The following FAT4 variants were observed in gnomAD, a reference collection of about 807,000 sequenced individuals.
FAT4 encodes protocadherin Fat 4.
FAT4 carries 84 observed loss-of-function variants against 303.9 expected under a neutral mutation model. That is an observed-to-expected ratio of 0.28 (90% confidence interval 0.23 to 0.33). The LOEUF is 0.33. Ranked by LOEUF, FAT4 falls within the 10% of genes least tolerant of loss-of-function variation. FAT4 has a pLI of 1.00. For synonymous variants in FAT4, 2,307 were observed against 2,298.8 expected (o/e 1.00, Z -0.10); for missense variants, 6,005 against 6,146.8 (o/e 0.98, Z 0.77).
chr4:125,448,524 A>G lies in FAT4; in HGVS notation c.7514A>G (p.Tyr2505Cys), dbSNP rs1196153947. Residue 2505 changes from tyrosine (Y) to cysteine (C), a missense_variant, in exon 10 of 18, where the codon TAT becomes TGT. Transcript: ENST00000394329. ...ATTGGACCAAATTCTGAACTGCATT[A>G]TTCTCTTTCGGGTAGAAATTCTGAA... ...ADIGPNSELH[Y>C]SLSGRNSEKF... The G allele has an allele frequency of 6.2e-7, 1 of 1,613,892 alleles. No individual in the cohort carries two copies. The highest frequency in any genetic ancestry group is 1.3e-5 in the African/African-American group (1 of 75,032).
chr4:125,489,279 C>T (rs1045273495), intron 17 of FAT4, among the ~76,000 whole-genome samples: 8 of 152,176 alleles, frequency 5.3e-5, no homozygotes, highest in African/African-American at 1.9e-4. Flanking sequence ...TTATCTTTAT[C>T]ATTCCCCTAA....
chr4:125,434,279 C>G lies in FAT4; in HGVS notation c.7053C>G (p.Asn2351Lys), dbSNP rs199682494. The change falls in exon 8 of 18, where the codon AAC (asparagine) becomes AAG (lysine). Residue 2351 changes from asparagine to lysine, a missense_variant. Asn to Lys is a moderately conservative substitution (Grantham distance 94). Coordinates refer to ENST00000394329, the MANE Select transcript of FAT4 (RefSeq NM_001291303.3). The stretch of plus-strand genomic sequence containing the variant: ...CCTTGACTGGAACTGGAACAATCAA[C>G]GTCATAGTAGATGATGTCAATGACA... ...SPALTGTGTINVIVDDVNDNV... is the reference protein window; with the variant it reads ...SPALTGTGTIKVIVDDVNDNV... The G allele has an allele frequency of 2.5e-6, 4 of 1,613,876 alleles. No individual in the cohort carries two copies. Among genetic ancestry groups the G allele is most frequent in the Admixed American group, 1.7e-5 (1 of 59,996 alleles).
Position 125,317,065 on chromosome 4 carries a change from C to T in FAT4, c.654C>T (p.Leu218=). The T allele has an allele frequency of 1.2e-6, 2 of 1,614,010 alleles. No homozygotes were observed. The highest frequency in any genetic ancestry group is 1.7e-6 in the Non-Finnish European group (2 of 1,180,032). ...LDREVTPQYQ[L]LVEVEDKGEP... ...GTGAGGTCACTCCGCAGTACCAGCT[C>T]CTGGTTGAGGTGGAGGACAAGGGTG... The change falls in exon 2 of 18, where the codon CTC becomes CTT. Residue 218 remains leucine (L), a synonymous_variant. Coordinates refer to ENST00000394329, the MANE Select transcript of FAT4 (RefSeq NM_001291303.3). This position sits in a 1 kb window ranked among gnomAD's most constrained non-coding sequence, Gnocchi z 7.0.
chr4:125,459,207 T>C (rs1726397701), intron 10 of FAT4, among the ~76,000 whole-genome samples: 1 of 151,988 alleles, frequency 6.6e-6, no homozygotes, highest in African/African-American at 2.4e-5. Context: ...GTATCAAAAA[T>C]TATCGTATCT....
In FAT4 at chr4:125,317,675, G is replaced by T; in HGVS notation, c.1264G>T (p.Val422Leu). Residue 422 changes from valine to leucine, a missense_variant, in exon 2 of 18, where the codon GTG (valine) becomes TTG (leucine). Physicochemically the swap from Val to Leu is conservative, Grantham distance 32. Transcript: ENST00000394329. This position sits in a 1 kb window ranked among gnomAD's most constrained non-coding sequence, Gnocchi z 7.0. ...AGTGCCGAACCTGAGCCTAATCAAG[G>T]TGGCCAGCGCCTTGGACCGCGAGCG... is the stretch of plus-strand genomic sequence containing the variant. ...SKVPNLSLIKVASALDRERIP... is the reference protein window; with the variant it reads ...SKVPNLSLIKLASALDRERIP... 1 of 1,614,124 alleles carries T rather than the reference G, an allele frequency of 6.2e-7. No homozygotes were observed. The highest frequency in any genetic ancestry group is 8.5e-7 in the Non-Finnish European group (1 of 1,180,024).
Position 125,320,999 on chromosome 4 carries a change from A to G in FAT4, c.4588A>G (p.Ile1530Val), listed in dbSNP as rs753573104. The G allele has an allele frequency of 4.0e-5, 65 of 1,614,086 alleles. No individual in the cohort carries two copies. In the East Asian group the frequency reaches 1.2e-3, roughly 29 times the overall value. The change falls in exon 2 of 18, where the codon ATA (isoleucine) becomes GTA (valine). Residue 1530 changes from isoleucine (I) to valine (V), a missense_variant. Transcript: ENST00000394329. ...CCTCAATGACAATGTCCCAATGTTT[A>G]TATCACAAAACGCCCTTGCTGCAGA... ...TDLNDNVPMF[I>V]SQNALAADPS...
chr4:125,365,932 C>A (rs1052260062), intron 2 of FAT4, among the ~76,000 whole-genome samples: 1 of 152,154 alleles, frequency 6.6e-6, no homozygotes, highest in East Asian at 1.9e-4. Flanking sequence ...AGGAGGTGAG[C>A]GGCAGGCTAA....
chr4:125,475,080 G>T (rs1459164182), intron 12 of FAT4, among the ~76,000 whole-genome samples: 1 of 152,064 alleles, frequency 6.6e-6, no homozygotes, highest in Admixed American at 6.6e-5. Context: ...TTTATTGTCT[G>T]CATTGGGAGA....
Position 125,492,585 on chromosome 4 carries a change from T to C in FAT4, c.*817T>C, listed in dbSNP as rs1274577989. On this transcript the variant is annotated 3_prime_UTR_variant, in exon 18 of 18. Coordinates refer to ENST00000394329, the MANE Select transcript of FAT4 (RefSeq NM_001291303.3). ...CTTTTAATATTTTAAAGAATTGACC[T>C]AAGGAAAGCTTATGATTGGACTTAT... 6.6e-6 allele frequency: 1 copy of C among 152,548 alleles called. No individual in the cohort carries two copies. The highest frequency in any genetic ancestry group is 1.5e-5 in the Non-Finnish European group (1 of 68,022). The allele number at this position is 152,548 out of a possible 1,614,324, so 9.4% of individuals were successfully genotyped here.
intron 8 of FAT4, among the ~76,000 whole-genome samples, chr4:125,443,375 T>C (rs1428825693): frequency 2.0e-5 from 3 of 152,200 alleles, no homozygotes; most frequent in African/African-American, 7.2e-5. Context: ...ATGTTGGCCT[T>C]CGCAATTGGT....
At chr4:125,415,864 C>A in intron 6 of FAT4, 58 bp downstream of exon 6, 1 of 1,314,230 alleles carries the variant, frequency 7.6e-7, no homozygotes, top group Non-Finnish European at 1.1e-6. Flanking sequence ...TATTTGAAAA[C>A]CTCCCCTCTT....
At chr4:125,455,158 C>G (rs984233753) in intron 10 of FAT4, among the ~76,000 whole-genome samples, 3 of 152,116 alleles carry the variant, frequency 2.0e-5, no homozygotes, top group Non-Finnish European at 4.4e-5. Flanking sequence ...CTACATTAGT[C>G]TAATGCATTT....
At position 125,317,646 on chromosome 4, in the gene FAT4, G is replaced by A; in HGVS notation, c.1235G>A (p.Ser412Asn). 2 of 1,614,070 alleles carry A rather than the reference G, an allele frequency of 1.2e-6. No individual in the cohort carries two copies. Among genetic ancestry groups the A allele is most frequent in the Non-Finnish European group, 1.7e-6 (2 of 1,179,988 alleles). The change falls in exon 2 of 18, where the codon AGC (serine) becomes AAC (asparagine). Residue 412 changes from serine (S) to asparagine (N), a missense_variant. Transcript: ENST00000394329. The surrounding 1 kb of genome is among the most constrained non-coding windows in gnomAD (Gnocchi z 7.0). ...CAGCGCCACTTTGAAGTGCAAAGCA[G>A]CAAAGTGCCGAACCTGAGCCTAATC... ...NEQRHFEVQS[S>N]KVPNLSLIKV...
At position 125,315,261 on chromosome 4, in the gene FAT4, C is replaced by T. The variant is rs1354919536; in HGVS notation, c.-729C>T. On this transcript the variant is annotated 5_prime_UTR_variant, in exon 1 of 18. Transcript: ENST00000394329. The stretch of plus-strand genomic sequence containing the variant: ...GAGCTGCGGAGGGCGTCACTACAGC[C>T]CAGCGCCGACTTCGCCGCCTCCGCT... Among the ~76,000 whole-genome samples, 1 of 152,090 alleles carries T rather than the reference C, an allele frequency of 6.6e-6. No individual in the cohort carries two copies. Among genetic ancestry groups the T allele is most frequent in the African/African-American group, 2.4e-5 (1 of 41,430 alleles).
intron 5 of FAT4, among the ~76,000 whole-genome samples, chr4:125,414,650 T>C (rs1734967906): frequency 6.6e-6 from 1 of 152,156 alleles, no homozygotes; most frequent in South Asian, 2.1e-4. Context: ...AGGAAATATA[T>C]AGAAAAATAT....
Position 125,317,900 on chromosome 4 carries a change from A to G in FAT4, c.1489A>G (p.Ile497Val). 2.5e-6 allele frequency: 4 copies of G among 1,614,078 alleles called. No homozygotes were observed. Among genetic ancestry groups the G allele is most frequent in the Non-Finnish European group, 3.4e-6 (4 of 1,179,996 alleles). ...GCCTCCGGGAAGCTATGTGAGTGGG[A>G]TATCTGCCACTGATGGCGACTCTGG... ...EAPPGSYVSGISATDGDSGLN... is the reference protein window; with the variant it reads ...EAPPGSYVSGVSATDGDSGLN... Residue 497 changes from isoleucine to valine, a missense_variant, in exon 2 of 18, where the codon ATA (isoleucine) becomes GTA (valine). Physicochemically the swap from Ile to Val is conservative, Grantham distance 29. Transcript: ENST00000394329. This position sits in a 1 kb window ranked among gnomAD's most constrained non-coding sequence, Gnocchi z 7.0.
At chr4:125,399,870 C>T (rs1017501398) in intron 3 of FAT4, among the ~76,000 whole-genome samples, 1 of 151,888 alleles carries the variant, frequency 6.6e-6, no homozygotes, top group Non-Finnish European at 1.5e-5. Context: ...GAAGTTCACA[C>T]TTATTTCAAA....
chr4:125,335,385 G>A (rs890240011), intron 2 of FAT4, among the ~76,000 whole-genome samples: 2 of 151,896 alleles, frequency 1.3e-5, no homozygotes, highest in African/African-American at 4.8e-5. Context: ...TATTAACGTA[G>A]GAGTAGAGGT....
At chr4:125,475,322 A>G (rs1442154159) in intron 12 of FAT4, among the ~76,000 whole-genome samples, 1 of 152,012 alleles carries the variant, frequency 6.6e-6, no homozygotes, top group Admixed American at 6.6e-5. Context: ...AGCCATCCTC[A>G]CTTGCTGGTA....
Sources: allele counts gnomAD v4.1 joint callset (sites outside exome capture counted in the v4.1 genomes callset), GRCh38; gene constraint gnomAD v4.1.1; non-coding constraint Gnocchi (gnomAD v3.1); transcripts MANE v1.5; gene names NCBI Gene and HGNC (gene_info 2026-07-23, HGNC 2026-07-21).